Variants in GPHN observed in about 807,000 individuals in gnomAD.
GPHN encodes the protein gephyrin.
A neutral mutation model predicts 95.5 loss-of-function variants in GPHN; 17 were observed. The ratio of observed to expected loss-of-function variants is 0.18; its 90% CI spans 0.12 to 0.27. The LOEUF (loss-of-function observed/expected upper bound fraction) is 0.27. GPHN is among the 10% of genes least tolerant of loss of function. GPHN has a pLI of 1.00. For synonymous variants in GPHN, 320 were observed against 322.5 expected (o/e 0.99, Z 0.08); for missense variants, 660 against 978.1 (o/e 0.67, Z 4.34).
intron 18 of GPHN, among the ~76,000 whole-genome samples, chr14:67,146,121 G>T (rs995819685): frequency 2.6e-5 from 4 of 152,178 alleles, no homozygotes; most frequent in African/African-American, 9.6e-5. Flanking sequence ...GGAAACCTCA[G>T]AGCAGCTAGC....
chr14:67,256,796 T>TCACACACACA, the GPHN span, among the ~76,000 whole-genome samples: 4 of 120,090 alleles, frequency 3.3e-5, no homozygotes, highest in South Asian at 3.2e-4. Context: ...CAGAAACTAT[T>TCACACACACA]GACACACACA....
intron 4 of GPHN, among the ~76,000 whole-genome samples, chr14:66,850,408 C>T (rs1049324403): frequency 1.3e-5 from 2 of 152,098 alleles, no homozygotes; most frequent in East Asian, 3.8e-4. Context: ...GCTCAACTTC[C>T]TCTTAAGCAT....
chr14:67,238,585 T>A, the GPHN span, among the ~76,000 whole-genome samples: 1 of 152,026 alleles, frequency 6.6e-6, no homozygotes, highest in Admixed American at 6.5e-5. Context: ...GAGAGTAGAT[T>A]TGTTATTTGC....
At chr14:66,720,021 TTTTAA>T (rs1260187448) in intron 2 of GPHN, among the ~76,000 whole-genome samples, 1 of 152,220 alleles carries the variant, frequency 6.6e-6, no homozygotes, top group Non-Finnish European at 1.5e-5. Context: ...TAGAAGGTTA[TTTTAA>T]TTTATACATT....
chr14:67,125,778 A>G (rs79026230), intron 17 of GPHN, among the ~76,000 whole-genome samples: 1 of 147,778 alleles, frequency 6.8e-6, no homozygotes, highest in Non-Finnish European at 1.5e-5. Flanking sequence ...CTCTGTCTCA[A>G]AAAAAAAAAA....
intron 3 of GPHN, among the ~76,000 whole-genome samples, chr14:66,805,061 C>T (rs951530303): frequency 2.6e-5 from 4 of 152,156 alleles, no homozygotes; most frequent in Non-Finnish European, 4.4e-5. Flanking sequence ...ATACCTCAGA[C>T]TGGGCAATTT....
At chr14:66,846,838 A>T (rs2062359092) in intron 4 of GPHN, among the ~76,000 whole-genome samples, 1 of 152,160 alleles carries the variant, frequency 6.6e-6, no homozygotes, top group South Asian at 2.1e-4. Context: ...CTTGAATGTA[A>T]TTGCAAGCAC....
At chr14:67,593,951 T>A in the GPHN span, 1 of 1,605,768 alleles carries the variant, frequency 6.2e-7, no homozygotes, top group Non-Finnish European at 8.5e-7. Context: ...GATCATGCTG[T>A]TCTGAAGAGA....
At chr14:66,766,929 TC>T (rs1566921821) in intron 2 of GPHN, among the ~76,000 whole-genome samples, 1 of 151,870 alleles carries the variant, frequency 6.6e-6, no homozygotes, top group Non-Finnish European at 1.5e-5. Flanking sequence ...GTCCATTATT[TC>T]CCCCCATTTT....
intron 18 of GPHN, among the ~76,000 whole-genome samples, chr14:67,147,032 C>CA (rs1029152255): frequency 9.9e-5 from 15 of 151,458 alleles, no homozygotes; most frequent in Non-Finnish European, 1.6e-4. Context: ...GACTCTGTCT[C>CA]AAAAAAACAA....
At chr14:66,912,176 C>G (rs2065704407) in intron 5 of GPHN, among the ~76,000 whole-genome samples, 1 of 152,098 alleles carries the variant, frequency 6.6e-6, no homozygotes, top group African/African-American at 2.4e-5. Flanking sequence ...GCATCAGCTT[C>G]CACCCACACT....
At chr14:66,725,724 T>G (rs1187435693) in intron 2 of GPHN, among the ~76,000 whole-genome samples, 1 of 152,224 alleles carries the variant, frequency 6.6e-6, no homozygotes, top group Non-Finnish European at 1.5e-5. Context: ...AGTTGCCCCC[T>G]TCCTATGAAA....
the GPHN span, among the ~76,000 whole-genome samples, chr14:67,382,178 G>A: frequency 4.0e-5 from 6 of 151,814 alleles, no homozygotes; most frequent in Non-Finnish European, 5.9e-5. Flanking sequence ...AAAGATACAC[G>A]GAAATGATAA....
intron 1 of GPHN, among the ~76,000 whole-genome samples, chr14:66,561,832 A>C (rs756812116): frequency 6.6e-6 from 1 of 152,152 alleles, no homozygotes; most frequent in Non-Finnish European, 1.5e-5. Flanking sequence ...TCAGGGCTAA[A>C]ATCAAGGTGT....
At chr14:67,674,303 G>A in the GPHN span, 80 of 1,377,188 alleles carry the variant, frequency 5.8e-5, no homozygotes, top group Non-Finnish European at 7.6e-5. Flanking sequence ...GGTCTGGGAG[G>A]AAGGTGGGAG....
chr14:67,642,158 C>T, the GPHN span: 6 of 1,607,818 alleles, frequency 3.7e-6, no homozygotes, highest in Non-Finnish European at 5.1e-6. Context: ...ACAGAAAATT[C>T]ATCTTGTCAT....
chr14:66,958,288 C>T (rs565539413), intron 8 of GPHN, among the ~76,000 whole-genome samples: 1 of 152,158 alleles, frequency 6.6e-6, no homozygotes, highest in South Asian at 2.1e-4. Context: ...TCTGATATTA[C>T]TGTAGCTTCT....
intron 18 of GPHN, among the ~76,000 whole-genome samples, chr14:67,157,652 T>C (rs2081680781): frequency 6.6e-6 from 1 of 151,760 alleles, no homozygotes; most frequent in Non-Finnish European, 1.5e-5. Context: ...GGTGAAACGC[T>C]CTCTCTCCTA....
intron 18 of GPHN, among the ~76,000 whole-genome samples, chr14:67,156,614 A>C (rs1458441045): frequency 6.6e-6 from 1 of 152,188 alleles, no homozygotes; most frequent in Non-Finnish European, 1.5e-5. Context: ...TAGAAGAAGG[A>C]AAAAGGAAAT....
Sources: allele counts gnomAD v4.1 joint callset (sites outside exome capture counted in the v4.1 genomes callset), GRCh38; gene constraint gnomAD v4.1.1; transcripts MANE v1.5; gene names NCBI Gene and HGNC (gene_info 2026-07-23, HGNC 2026-07-21).